Variants in KCNH7 observed in about 807,000 individuals in gnomAD.
The protein encoded by KCNH7 is voltage-gated inwardly rectifying potassium channel KCNH7.
A neutral mutation model predicts 120.8 loss-of-function variants in KCNH7; 49 were observed. That is an observed-to-expected ratio of 0.41 (90% CI 0.32 to 0.51). The LOEUF (loss-of-function observed/expected upper bound fraction) is 0.51, where lower values mean the gene tolerates loss of function less well. Among genes scored for constraint, KCNH7 ranks in the 20% least tolerant of loss-of-function variants. The pLI, the probability that KCNH7 is intolerant of heterozygous loss-of-function variation, is 0.38. For missense variants in KCNH7, 1,097 were observed against 1,446.6 expected (o/e 0.76, Z 3.92); for synonymous variants, 547 against 516.1 (o/e 1.06, Z -0.81).
At chr2:162,470,733 G>A (rs80206001) in intron 6 of KCNH7, among the ~76,000 whole-genome samples, 9,407 of 152,246 alleles carry the variant, frequency 0.062, 300 homozygotes, top group African/African-American at 0.069. Flanking sequence ...CCACCACCCC[G>A]TCTGGGAGGT....
At chr2:162,645,632 T>A (rs911354111) in intron 2 of KCNH7, among the ~76,000 whole-genome samples, 1 of 152,178 alleles carries the variant, frequency 6.6e-6, no homozygotes, top group Non-Finnish European at 1.5e-5. Context: ...TTATCTAGAC[T>A]TTTTTAGGTT....
At chr2:162,411,376 A>G (rs1687388285) in intron 9 of KCNH7, among the ~76,000 whole-genome samples, 1 of 152,132 alleles carries the variant, frequency 6.6e-6, no homozygotes, top group Non-Finnish European at 1.5e-5. Context: ...CAAATACTAC[A>G]TGTTCTCACT....
chr2:162,392,347 A>G (rs1686769534), intron 12 of KCNH7, among the ~76,000 whole-genome samples: 1 of 151,808 alleles, frequency 6.6e-6, no homozygotes, highest in Non-Finnish European at 1.5e-5. Flanking sequence ...AATTAAGGGA[A>G]TATTATAAGG....
chr2:162,478,056 G>T (rs1689807111), intron 6 of KCNH7, among the ~76,000 whole-genome samples: 1 of 152,224 alleles, frequency 6.6e-6, no homozygotes, highest in South Asian at 2.1e-4. Context: ...GTGAAAGTGT[G>T]TGACTGGATG....
At chr2:162,769,983 T>C (rs1301116797) in intron 2 of KCNH7, among the ~76,000 whole-genome samples, 2 of 152,092 alleles carry the variant, frequency 1.3e-5, no homozygotes, top group Non-Finnish European at 2.9e-5. Flanking sequence ...AGTGATGCTC[T>C]TGATTTAAAA....
intron 8 of KCNH7, among the ~76,000 whole-genome samples, chr2:162,427,118 TCTC>T (rs1014715428): frequency 2.0e-5 from 3 of 152,044 alleles, no homozygotes; most frequent in Non-Finnish European, 4.4e-5. Flanking sequence ...GTTTATCTCT[TCTC>T]CTGTTGATGG....
At chr2:162,543,485 G>A (rs1484190947) in intron 2 of KCNH7, among the ~76,000 whole-genome samples, 1 of 152,048 alleles carries the variant, frequency 6.6e-6, no homozygotes, top group African/African-American at 2.4e-5. Flanking sequence ...CACAAACCTG[G>A]TTGTCATATT....
At chr2:162,737,555 T>C (rs191770066) in intron 2 of KCNH7, among the ~76,000 whole-genome samples, 31 of 152,272 alleles carry the variant, frequency 2.0e-4, no homozygotes, top group African/African-American at 6.7e-4. Flanking sequence ...TTAAGGAATA[T>C]ATATGCAAGA....
chr2:162,497,535 C>G (rs1420893225), intron 6 of KCNH7, among the ~76,000 whole-genome samples: 1 of 152,048 alleles, frequency 6.6e-6, no homozygotes, highest in Non-Finnish European at 1.5e-5. Flanking sequence ...ACAAGTATGT[C>G]CAACTGCCAC....
At chr2:162,752,685 G>A (rs1688596604) in intron 2 of KCNH7, among the ~76,000 whole-genome samples, 1 of 151,536 alleles carries the variant, frequency 6.6e-6, no homozygotes, top group African/African-American at 2.4e-5. Context: ...GATCACTTGA[G>A]GTCAGGAGTT....
At chr2:162,374,123 A>G (rs13430624) in intron 14 of KCNH7, among the ~76,000 whole-genome samples, 11,177 of 152,272 alleles carry the variant, frequency 0.073, 999 homozygotes, top group African/African-American at 0.19. Context: ...TTATATTAAC[A>G]CTTTTTAACC....
At chr2:162,685,568 C>T (rs962839251) in intron 2 of KCNH7, among the ~76,000 whole-genome samples, 1 of 151,978 alleles carries the variant, frequency 6.6e-6, no homozygotes, top group African/African-American at 2.4e-5. Context: ...AATCCCATTC[C>T]AAATAATCTT....
intron 9 of KCNH7, among the ~76,000 whole-genome samples, chr2:162,422,794 C>T (rs542136454): frequency 2.0e-5 from 3 of 152,082 alleles, no homozygotes; most frequent in Non-Finnish European, 4.4e-5. Context: ...TAAAAGGGCA[C>T]AGCGTAGATT....
intron 6 of KCNH7, among the ~76,000 whole-genome samples, chr2:162,464,431 C>G (rs1360076551): frequency 6.6e-6 from 1 of 151,882 alleles, no homozygotes; most frequent in Non-Finnish European, 1.5e-5. Flanking sequence ...CTAACTGAAA[C>G]AAAAAGTATT....
At chr2:162,772,723 C>T (rs1683099356) in intron 2 of KCNH7, among the ~76,000 whole-genome samples, 1 of 152,216 alleles carries the variant, frequency 6.6e-6, no homozygotes. Flanking sequence ...GTAAATATAA[C>T]TAGCTTTTAC....
chr2:162,816,494 T>G (rs532249461), intron 2 of KCNH7, among the ~76,000 whole-genome samples: 117 of 152,226 alleles, frequency 7.7e-4, no homozygotes, highest in African/African-American at 2.6e-3. Flanking sequence ...TCAGAGACTA[T>G]TGAAGATCTA....
intron 9 of KCNH7, among the ~76,000 whole-genome samples, chr2:162,402,137 T>A (rs1687083514): frequency 6.6e-6 from 1 of 151,396 alleles, no homozygotes; most frequent in African/African-American, 2.4e-5. Flanking sequence ...CCTTCCAGGT[T>A]CCCTGCTTGA....
intron 6 of KCNH7, among the ~76,000 whole-genome samples, chr2:162,500,259 T>C (rs1690634841): frequency 1.4e-5 from 2 of 144,542 alleles, no homozygotes; most frequent in Admixed American, 1.4e-4. Flanking sequence ...ACTATGTATG[T>C]ATGTATTATA....
rs1332478520 is a variant in KCNH7 at position 162,748,955 on chromosome 2, C to T, written c.307+87582G>A. ...CCTTCCTTCCTTCCTTCCTTCCTTC[C>T]TTCCTTCCTTCCTTCCTTCCTTCCT... On this transcript the variant is annotated intron_variant, in intron 2 of 15. Coordinates refer to ENST00000332142, the MANE Select transcript of KCNH7 (RefSeq NM_033272.4). Among the ~76,000 whole-genome samples the T allele has an allele frequency of 3.1e-5, 4 of 130,122 alleles. No homozygotes were observed. The East Asian group carries it at 1.0e-3, about 34-fold the overall frequency. 85.4% of individuals were successfully genotyped at this position (130,122 alleles called of 152,430 possible). A position where few individuals can be genotyped will look rare whatever the true frequency, so the allele number is the denominator to read the frequency against.
Sources: gnomAD v4.1 joint callset for allele counts (sites outside exome capture counted in the v4.1 genomes callset) on GRCh38, gnomAD v4.1.1 for gene constraint, MANE v1.5 for transcripts, NCBI Gene and HGNC (gene_info 2026-07-23, HGNC 2026-07-21) for gene names.